Variants in MYT1 observed in about 807,000 individuals in gnomAD.
MYT1 encodes the protein myelin transcription factor I.
Under a neutral mutation model 123.0 loss-of-function variants are expected in MYT1, and 23 were observed. That is an observed-to-expected ratio of 0.19 (90% CI 0.13 to 0.26). The LOEUF is 0.26. MYT1 is among the 10% of genes least tolerant of loss of function. The pLI is 1.00. For synonymous variants in MYT1, 518 were observed against 575.3 expected, an observed-to-expected ratio of 0.90 and a Z score of 1.43; for missense variants, 1,125 against 1,472.5, an observed-to-expected ratio of 0.76 and a Z score of 3.86.
At chr20:64,206,748 G>A (rs1983496965) in intron 6 of MYT1, among the ~76,000 whole-genome samples, 1 of 152,198 alleles carries the variant, frequency 6.6e-6, no homozygotes, top group East Asian at 1.9e-4. Flanking sequence ...TTATCAAGAA[G>A]GGCGTCTGGG....
chr20:64,188,734 A>T (rs1982883730), intron 1 of MYT1, among the ~76,000 whole-genome samples: 1 of 152,232 alleles, frequency 6.6e-6, no homozygotes, highest in African/African-American at 2.4e-5. Flanking sequence ...GCAGATGACC[A>T]GTGGCAGATG....
At position 64,191,311 on chromosome 20, in the gene MYT1, G is replaced by GC. The variant is rs1982963164; in HGVS notation, c.-1+1151_-1+1152insC. On this transcript the variant is annotated intron_variant, in intron 2 of 22. Coordinates refer to ENST00000328439, the MANE Select transcript of MYT1 (RefSeq NM_004535.3). This position sits in a 1 kb window ranked among gnomAD's most constrained non-coding sequence, Gnocchi z 4.1. The stretch of plus-strand genomic sequence containing the variant: ...GACATCACATGTGCTTACAGCCACT[G>GC]TTCTCCACCACCAACCCTCTAATTC... 6.6e-6 allele frequency among the ~76,000 whole-genome samples: 1 copy of GC among 152,216 alleles called. No individual in the cohort carries two copies. Among genetic ancestry groups the GC allele is most frequent in the African/African-American group, 2.4e-5 (1 of 41,462 alleles).
At chr20:64,201,584 G>A (rs985218364) in intron 4 of MYT1, among the ~76,000 whole-genome samples, 1 of 152,232 alleles carries the variant, frequency 6.6e-6, no homozygotes, top group Non-Finnish European at 1.5e-5. Context: ...TTGGCCACAC[G>A]CTTCACGTGG....
Position 64,189,019 on chromosome 20 carries a change from G to A in MYT1, c.-98-1044G>A, listed in dbSNP as rs566285728. Among the ~76,000 whole-genome samples, 9 of 152,342 alleles carry A rather than the reference G, an allele frequency of 5.9e-5. No homozygotes were observed. Among genetic ancestry groups the A allele is most frequent in the Non-Finnish European group, 8.8e-5 (6 of 68,032 alleles). On this transcript the variant is annotated intron_variant, in intron 1 of 22. Coordinates refer to ENST00000328439, the MANE Select transcript of MYT1 (RefSeq NM_004535.3). This position sits in a 1 kb window ranked among gnomAD's most constrained non-coding sequence, Gnocchi z 5.5. ...GTGTTTATGCTCTGGAAGGTAATCC[G>A]AAGCCCTTTAATGGGATGGAAGCAT...
chr20:64,188,634 C>T (rs1398910147), intron 1 of MYT1, among the ~76,000 whole-genome samples: 1 of 152,222 alleles, frequency 6.6e-6, no homozygotes, highest in East Asian at 1.9e-4. Flanking sequence ...CTTTTCCTCC[C>T]TATACCCCAC....
Position 64,208,602 on chromosome 20 carries a change from C to A in MYT1, c.1291+115C>A. 1.4e-6 allele frequency: 2 copies of A among 1,441,312 alleles called. No homozygotes were observed. Among genetic ancestry groups the A allele is most frequent in the Non-Finnish European group, 9.1e-7 (1 of 1,095,122 alleles). 89.3% of individuals were successfully genotyped at this position (1,441,312 alleles called of 1,614,324 possible). On this transcript the variant is annotated intron_variant, in intron 7 of 22. Transcript: ENST00000328439. The surrounding 1 kb of genome is among the most constrained non-coding windows in gnomAD (Gnocchi z 5.4). ...AGGGGGCTGGGGGATGGCAGAAAAG[C>A]AGACAAAAGGACAAATACATGACAC...
intron 18 of MYT1, among the ~76,000 whole-genome samples, chr20:64,228,551 TGCTCTTCTCACTGGG>T (rs1453543413): frequency 1.3e-5 from 2 of 152,200 alleles, no homozygotes; most frequent in South Asian, 4.1e-4. Context: ...TCTCCTCTAT[TGCTCTTCTCACTGGG>T]GCAGGGTGGG....
intron 1 of MYT1, among the ~76,000 whole-genome samples, chr20:64,182,164 T>C (rs1044977504): frequency 6.6e-6 from 1 of 152,308 alleles, no homozygotes; most frequent in African/African-American, 2.4e-5. Flanking sequence ...AGTTTTTTGT[T>C]TTTTGTTTTT....
chr20:64,241,399 A>G lies in MYT1; in HGVS notation c.*951A>G, dbSNP rs1406388936. On this transcript the variant is annotated 3_prime_UTR_variant, in exon 23 of 23. Transcript: ENST00000328439. The surrounding 1 kb of genome is among the most constrained non-coding windows in gnomAD (Gnocchi z 4.2). The stretch of plus-strand genomic sequence containing the variant: ...CATCCAATATGCGAAAAAAGGGTAC[A>G]TTTTAATTTAATGTGTTAAAAACAC... 3 of 152,566 alleles carry G rather than the reference A, an allele frequency of 2.0e-5. No individual in the cohort carries two copies. The highest frequency in any genetic ancestry group is 4.4e-5 in the Non-Finnish European group (3 of 68,050). The allele number at this position is 152,566 out of a possible 1,614,324, so 9.5% of individuals were successfully genotyped here.
At position 64,240,564 on chromosome 20, in the gene MYT1, C is replaced by A. The variant is rs576318670; in HGVS notation, c.*116C>A. ...CTTCCCGTTTGGGGCCCGGTGTGGC[C>A]GCGGGCGGGTTTATCCAAAGGGATG... On this transcript the variant is annotated 3_prime_UTR_variant, in exon 23 of 23. Transcript: ENST00000328439. 2 of 1,402,876 alleles carry A rather than the reference C, an allele frequency of 1.4e-6. No homozygotes were observed. The highest frequency in any genetic ancestry group is 2.9e-5 in the African/African-American group (2 of 69,102). 86.9% of individuals were successfully genotyped at this position (1,402,876 alleles called of 1,614,324 possible). A position where few individuals can be genotyped will look rare whatever the true frequency, so the allele number is the denominator to read the frequency against.
rs150008905 is a variant in MYT1 at position 64,182,950 on chromosome 20, C to T, written c.-98-7113C>T. Among the ~76,000 whole-genome samples the T allele has an allele frequency of 1.1e-4, 16 of 152,342 alleles. 1 individual carries two copies. The highest frequency in any genetic ancestry group is 5.8e-4 in the East Asian group (3 of 5,184). On this transcript the variant is annotated intron_variant, in intron 1 of 22. Coordinates refer to ENST00000328439, the MANE Select transcript of MYT1 (RefSeq NM_004535.3). ...TATACAATTCAGTGGTTTTAGCGTACGTGTAGGGTTGTACATCTATCACCA... is the reference window on the plus strand; with the variant it reads ...TATACAATTCAGTGGTTTTAGCGTATGTGTAGGGTTGTACATCTATCACCA...
At chr20:64,215,304 A>C (rs1224352705) in intron 10 of MYT1, among the ~76,000 whole-genome samples, 1 of 152,174 alleles carries the variant, frequency 6.6e-6, no homozygotes, top group African/African-American at 2.4e-5. Flanking sequence ...TAAAAGTAGG[A>C]CAACAAACTA....
rs532116405 is a variant in MYT1 at position 64,203,500 on chromosome 20, C to T, written c.87-1535C>T. On this transcript the variant is annotated intron_variant, in intron 4 of 22. Transcript: ENST00000328439. The surrounding 1 kb of genome is among the most constrained non-coding windows in gnomAD (Gnocchi z 5.1). ...CGAGTGTGGTGTGCCCTCCCTCTCT[C>T]GCTCTCTCCCTCTTCCTCCCTCTTC... 1.4e-4 allele frequency among the ~76,000 whole-genome samples: 21 copies of T among 152,180 alleles called. No individual in the cohort carries two copies. In the South Asian group the frequency reaches 3.1e-3, roughly 23 times the overall value.
In MYT1 at chr20:64,197,682, T is replaced by TTACTTGCC. The variant is rs1205503204; in HGVS notation, c.1-1178_1-1171dup. Among the ~76,000 whole-genome samples, 6 of 152,250 alleles carry TTACTTGCC rather than the reference T, an allele frequency of 3.9e-5. No individual in the cohort carries two copies. The East Asian group carries it at 1.2e-3, about 29-fold the overall frequency. On this transcript the variant is annotated intron_variant, in intron 2 of 22. Transcript: ENST00000328439. Reference sequence around the variant, plus strand: ...TTGCATAGCATGGAGTGTGTAGGATTTACTTGCCTGCCCAGATTTGTCATG... The same window carrying TTACTTGCC: ...TTGCATAGCATGGAGTGTGTAGGATTTACTTGCCTACTTGCCTGCCCAGATTTGTCATG...
rs532862773 is a variant in MYT1 at position 64,186,878 on chromosome 20, C to T, written c.-98-3185C>T. ...CACGTGGCTCCGGCATCCACGTTTC[C>T]GTGGAGACTTTTCCTGTAGCCCGTG... On this transcript the variant is annotated intron_variant, in intron 1 of 22. Coordinates refer to ENST00000328439, the MANE Select transcript of MYT1 (RefSeq NM_004535.3). The surrounding 1 kb of genome is among the most constrained non-coding windows in gnomAD (Gnocchi z 4.3). Among the ~76,000 whole-genome samples, 2 of 150,272 alleles carry T rather than the reference C, an allele frequency of 1.3e-5. No homozygotes were observed. The highest frequency in any genetic ancestry group is 6.6e-5 in the Admixed American group (1 of 15,128).
chr20:64,232,104 C>G lies in MYT1; in HGVS notation c.2676-60C>G. The G allele has an allele frequency of 6.4e-7, 1 of 1,556,632 alleles. No individual in the cohort carries two copies. The highest frequency in any genetic ancestry group is 1.7e-5 in the Admixed American group (1 of 59,430). On this transcript the variant is annotated intron_variant, in intron 18 of 22. Coordinates refer to ENST00000328439, the MANE Select transcript of MYT1 (RefSeq NM_004535.3). The surrounding 1 kb of genome is among the most constrained non-coding windows in gnomAD (Gnocchi z 6.9). ...CCCCTTGTGTCTGGCTTGAGAGAGT[C>G]TCCAGGCTTCTCCTCCCAACCCTTC...
intron 1 of MYT1, among the ~76,000 whole-genome samples, chr20:64,180,095 G>T (rs118058579): frequency 0.037 from 5,509 of 148,514 alleles, 195 homozygotes; most frequent in South Asian, 0.18. Context: ...GCTACACACA[G>T]GTACATGCTA....
Position 64,173,485 on chromosome 20 carries a change from C to T in MYT1, c.-99+8746C>T, listed in dbSNP as rs112369511. Among the ~76,000 whole-genome samples, 351 of 89,000 alleles carry T rather than the reference C, an allele frequency of 3.9e-3. 1 individual carries two copies. Among genetic ancestry groups the T allele is most frequent in the Middle Eastern group, 9.3e-3 (1 of 108 alleles). The allele number at this position is 89,000 out of a possible 152,430, so 58.4% of individuals were successfully genotyped here. A position where few individuals can be genotyped will look rare whatever the true frequency, so the allele number is the denominator to read the frequency against. On this transcript the variant is annotated intron_variant, in intron 1 of 22. Transcript: ENST00000328439. ...CCCTGACTTCTCCTCCTGCAGCATC[C>T]TTCCCTTTAGTTGTGTCCATTTCCC...
rs1402036190 is a variant in MYT1, at chr20:64,232,148, G to A, written c.2676-16G>A. The A allele has an allele frequency of 6.2e-7, 1 of 1,612,112 alleles. No individual in the cohort carries two copies. The highest frequency in any genetic ancestry group is 1.7e-5 in the Admixed American group (1 of 60,004). ...ACCCTTCGCCCCTGTACTCACCCCG[G>A]CCTCTCTGTACCCAGGTGCCCAGTT... On this transcript the variant is annotated splice_polypyrimidine_tract_variant and intron_variant, in intron 18 of 22. Transcript: ENST00000328439. This position sits in a 1 kb window ranked among gnomAD's most constrained non-coding sequence, Gnocchi z 6.9.
Sources: allele counts gnomAD v4.1 joint callset (sites outside exome capture counted in the v4.1 genomes callset), GRCh38; gene constraint gnomAD v4.1.1; non-coding constraint Gnocchi (gnomAD v3.1); transcripts MANE v1.5; gene names NCBI Gene and HGNC (gene_info 2026-07-23, HGNC 2026-07-21).